The following PCDH9 variants were observed in gnomAD, a reference collection of about 807,000 sequenced individuals.
PCDH9 encodes protocadherin-9.
In PCDH9, 24 loss-of-function variants were observed where a neutral mutation model predicts 70.6. That is an observed-to-expected ratio of 0.34 (90% confidence interval 0.25 to 0.48). PCDH9 has a LOEUF of 0.48. Among genes scored for constraint, PCDH9 ranks in the 20% least tolerant of loss-of-function variants. PCDH9 has a pLI of 0.99. For missense variants in PCDH9, 1,281 were observed against 1,503.6 expected, an observed-to-expected ratio of 0.85 and a Z score of 2.45; for synonymous variants, 562 against 558.5, an observed-to-expected ratio of 1.01 and a Z score of -0.09.
At chr13:66,336,727 T>C (rs192945252) in intron 4 of PCDH9, among the ~76,000 whole-genome samples, 7 of 152,214 alleles carry the variant, frequency 4.6e-5, no homozygotes, top group Admixed American at 1.3e-4. Context: ...GTTGGTAATC[T>C]GTGGCTCTTT....
intron 3 of PCDH9, among the ~76,000 whole-genome samples, chr13:66,751,427 AAAAC>A (rs1407611033): frequency 6.6e-6 from 1 of 152,182 alleles, no homozygotes; most frequent in Non-Finnish European, 1.5e-5. Flanking sequence ...AAGCCCAACA[AAAAC>A]AAAATCAATT....
chr13:67,193,051 A>G (rs1260431798), intron 2 of PCDH9, among the ~76,000 whole-genome samples: 1 of 152,156 alleles, frequency 6.6e-6, no homozygotes, highest in African/African-American at 2.4e-5. Flanking sequence ...GGAAATATGT[A>G]TCTGAAATCC....
intron 4 of PCDH9, among the ~76,000 whole-genome samples, chr13:66,562,553 G>T (rs2076589716): frequency 6.6e-6 from 1 of 152,170 alleles, no homozygotes. Context: ...AAGAGAGCAT[G>T]TGCAGGGGAA....
At chr13:67,057,753 A>T (rs2085451580) in intron 2 of PCDH9, among the ~76,000 whole-genome samples, 1 of 152,134 alleles carries the variant, frequency 6.6e-6, no homozygotes, top group Admixed American at 6.6e-5. Flanking sequence ...TAGACATGAT[A>T]CTTAGCTTTT....
chr13:66,991,023 A>G (rs2083991600), intron 2 of PCDH9: 1 of 151,900 alleles, frequency 6.6e-6, no homozygotes, highest in Non-Finnish European at 1.5e-5. Flanking sequence ...TATATTTTTA[A>G]TATTAGCGGG....
intron 2 of PCDH9, among the ~76,000 whole-genome samples, chr13:67,144,411 G>A (rs771971779): frequency 1.3e-5 from 2 of 152,064 alleles, no homozygotes; most frequent in Non-Finnish European, 2.9e-5. Context: ...CGTTGGAACT[G>A]TTACTAAACA....
At chr13:66,983,101 T>C (rs1039930462) in intron 2 of PCDH9, among the ~76,000 whole-genome samples, 2 of 152,176 alleles carry the variant, frequency 1.3e-5, no homozygotes, top group African/African-American at 4.8e-5. Flanking sequence ...AATAGAAGAA[T>C]AGCTAATGGA....
At chr13:66,334,656 T>C (rs367564418) in intron 4 of PCDH9, among the ~76,000 whole-genome samples, 16 of 152,030 alleles carry the variant, frequency 1.1e-4, no homozygotes, top group East Asian at 5.8e-4. Context: ...ACAATAAGTA[T>C]GTCTTTACTA....
chr13:66,396,036 A>G (rs1278244098), intron 4 of PCDH9, among the ~76,000 whole-genome samples: 1 of 152,170 alleles, frequency 6.6e-6, no homozygotes, highest in East Asian at 1.9e-4. Context: ...AAACAAAAAG[A>G]GTTAGAGAAA....
intron 4 of PCDH9, among the ~76,000 whole-genome samples, chr13:66,551,454 CTG>C (rs1317710028): frequency 6.6e-6 from 1 of 152,138 alleles, no homozygotes; most frequent in Non-Finnish European, 1.5e-5. Context: ...TAGGGGAAAA[CTG>C]AGAATGAGGA....
Position 67,226,903 on chromosome 13 carries a change from G to T in PCDH9, c.1538C>A (p.Ser513Tyr). 1 of 1,614,186 alleles carries T rather than the reference G, an allele frequency of 6.2e-7. No homozygotes were observed. The highest frequency in any genetic ancestry group is 8.5e-7 in the Non-Finnish European group (1 of 1,180,010). Residue 513 changes from serine (S) to tyrosine (Y), a missense_variant, in exon 2 of 5, where the codon TCC becomes TAC. Transcript: ENST00000377865. This position sits in a 1 kb window ranked among gnomAD's most constrained non-coding sequence, Gnocchi z 5.0. ...TGTTTTTCGGTCCAGATCAAAGAAG[G>T]AGGCATTCGGTCCAAGCTGATAAAC... is the stretch of plus-strand genomic sequence containing the variant. The part of the protein sequence containing the change: ...DIVYQLGPNA[S>Y]FFDLDRKTGV...
chr13:66,377,137 A>G (rs1956762889), intron 4 of PCDH9, among the ~76,000 whole-genome samples: 1 of 152,176 alleles, frequency 6.6e-6, no homozygotes, highest in Non-Finnish European at 1.5e-5. Context: ...TAATTGGGCC[A>G]GAATTGTTAG....
At position 66,981,097 on chromosome 13, in the gene PCDH9, T is replaced by C. The variant is rs376521051; in HGVS notation, c.3037-77492A>G. Among the ~76,000 whole-genome samples the C allele has an allele frequency of 8.0e-3, 1,220 of 152,210 alleles. 23 individuals carry two copies. The highest frequency in any genetic ancestry group is 0.028 in the African/African-American group (1,171 of 41,534). ...ACACAAATAAACAGAATATATACTG[T>C]CCATAAAGACATTTACAGAATATAA... is the stretch of plus-strand genomic sequence containing the variant. On this transcript the variant is annotated intron_variant, in intron 2 of 4. Coordinates refer to ENST00000377865, the MANE Select transcript of PCDH9 (RefSeq NM_203487.3).
chr13:67,037,957 TA>T (rs2085041980), intron 2 of PCDH9, among the ~76,000 whole-genome samples: 1 of 152,140 alleles, frequency 6.6e-6, no homozygotes, highest in African/African-American at 2.4e-5. Context: ...TTCTGAGCAA[TA>T]AAAATATCAG....
At chr13:66,389,909 T>C (rs1277043995) in intron 4 of PCDH9, among the ~76,000 whole-genome samples, 3 of 152,350 alleles carry the variant, frequency 2.0e-5, no homozygotes, top group East Asian at 3.9e-4. Flanking sequence ...TAGAATGTTA[T>C]CTCTTTAATG....
In PCDH9 at chr13:66,651,260, C is replaced by A. The variant is rs377229838; in HGVS notation, c.3139-19849G>T. 8.6e-5 allele frequency among the ~76,000 whole-genome samples: 13 copies of A among 151,792 alleles called. No individual in the cohort carries two copies. The East Asian group carries it at 2.3e-3, about 27-fold the overall frequency. ...TGTTTTTTAAATAAAATCCACAAACCTTTAGCCAGACCAAAAAGAAAAGAG... is the reference window on the plus strand; with the variant it reads ...TGTTTTTTAAATAAAATCCACAAACATTTAGCCAGACCAAAAAGAAAAGAG... On this transcript the variant is annotated intron_variant, in intron 3 of 4. Coordinates refer to ENST00000377865, the MANE Select transcript of PCDH9 (RefSeq NM_203487.3).
At chr13:66,312,701 A>C (rs1427394207) in intron 4 of PCDH9, among the ~76,000 whole-genome samples, 1 of 152,186 alleles carries the variant, frequency 6.6e-6, no homozygotes, top group Non-Finnish European at 1.5e-5. Flanking sequence ...TTTTAAATGT[A>C]AATAAAAATC....
At chr13:66,445,576 T>TCC (rs1447713803) in intron 4 of PCDH9, among the ~76,000 whole-genome samples, 1 of 143,074 alleles carries the variant, frequency 7.0e-6, no homozygotes, top group African/African-American at 2.6e-5. Flanking sequence ...GTGTATATAT[T>TCC]ATATATACAC....
At chr13:67,106,217 T>C (rs990668392) in intron 2 of PCDH9, among the ~76,000 whole-genome samples, 3 of 152,194 alleles carry the variant, frequency 2.0e-5, no homozygotes, top group Non-Finnish European at 4.4e-5. Context: ...TTTAAAACTC[T>C]TGGGGCTCTG....
Sources: gnomAD v4.1 joint callset for allele counts (sites outside exome capture counted in the v4.1 genomes callset) on GRCh38, gnomAD v4.1.1 for gene constraint, Gnocchi (gnomAD v3.1) non-coding constraint, MANE v1.5 for transcripts, NCBI Gene and HGNC (gene_info 2026-07-23, HGNC 2026-07-21) for gene names.